Variants in RARB observed in about 807,000 individuals in gnomAD.
RARB encodes the protein HBV-activated protein.
A neutral mutation model predicts 51.9 loss-of-function variants in RARB; 17 were observed. The observed-to-expected ratio is 0.33, with a 90% confidence interval of 0.22 to 0.49. The LOEUF (loss-of-function observed/expected upper bound fraction) is 0.49, where lower values mean the gene tolerates loss of function less well. RARB is among the 20% of genes least tolerant of loss of function. The pLI is 0.99. For synonymous variants in RARB, 215 were observed against 195.4 expected, an observed-to-expected ratio of 1.10 and a Z score of -0.84; for missense variants, 369 against 550.8, an observed-to-expected ratio of 0.67 and a Z score of 3.30.
chr3:25,220,076 CAAG>C (rs755256741), intron 5 of RARB, among the ~76,000 whole-genome samples: 21 of 152,242 alleles, frequency 1.4e-4, no homozygotes, highest in African/African-American at 2.4e-4. Flanking sequence ...CATAAAATAA[CAAG>C]AAATCCACTA....
intron 2 of RARB, among the ~76,000 whole-genome samples, chr3:24,966,903 A>G (rs898919467): frequency 6.6e-6 from 1 of 152,164 alleles, no homozygotes; most frequent in Non-Finnish European, 1.5e-5. Context: ...TGAACCACAC[A>G]TCCTGCCCTG....
At chr3:25,071,682 G>T (rs1233906013) in intron 3 of RARB, among the ~76,000 whole-genome samples, 1 of 152,202 alleles carries the variant, frequency 6.6e-6, no homozygotes, top group Non-Finnish European at 1.5e-5. Flanking sequence ...TCAATGGCAT[G>T]ATTAAAAAGG....
At chr3:24,968,975 T>C (rs573542536) in intron 2 of RARB, among the ~76,000 whole-genome samples, 8 of 152,202 alleles carry the variant, frequency 5.3e-5, no homozygotes, top group Non-Finnish European at 7.4e-5. Context: ...TTTAGGTACA[T>C]TTGGTCATCT....
intron 2 of RARB, among the ~76,000 whole-genome samples, chr3:24,945,719 G>A (rs1363162825): frequency 6.6e-6 from 1 of 152,218 alleles, no homozygotes; most frequent in Non-Finnish European, 1.5e-5. Context: ...CTGGCCTCCA[G>A]CCAACAGAGA....
chr3:25,150,435 A>C (rs891245321), intron 4 of RARB, among the ~76,000 whole-genome samples: 5 of 152,162 alleles, frequency 3.3e-5, no homozygotes, highest in African/African-American at 1.2e-4. Context: ...GAAAAAGGCC[A>C]GTTGTTTGGT....
At chr3:24,993,612 T>A (rs1054177803) in intron 2 of RARB, among the ~76,000 whole-genome samples, 5 of 152,136 alleles carry the variant, frequency 3.3e-5, no homozygotes, top group Non-Finnish European at 7.4e-5. Flanking sequence ...TGGAATTTGT[T>A]CTATTTAGCT....
At chr3:25,421,125 A>G (rs1422328582) in intron 5 of RARB, among the ~76,000 whole-genome samples, 3 of 152,034 alleles carry the variant, frequency 2.0e-5, no homozygotes, top group Admixed American at 2.0e-4. Context: ...GAAATGAAAG[A>G]AACCATCTTC....
At chr3:25,361,585 C>G (rs114484355) in intron 5 of RARB, among the ~76,000 whole-genome samples, 1 of 152,258 alleles carries the variant, frequency 6.6e-6, no homozygotes, top group African/African-American at 2.4e-5. Context: ...AATCTTCAGC[C>G]TTTTTTTGCC....
intron 5 of RARB, among the ~76,000 whole-genome samples, chr3:25,321,891 G>T (rs1246414314): frequency 6.6e-6 from 1 of 150,648 alleles, no homozygotes. Flanking sequence ...AAGACAAAAA[G>T]ATTATTTGGG....
intron 3 of RARB, among the ~76,000 whole-genome samples, chr3:25,544,675 G>C (rs7645308): frequency 0.14 from 21,422 of 151,574 alleles, 1,898 homozygotes; most frequent in African/African-American, 0.25. Flanking sequence ...TCATTCCCCC[G>C]CCCCCTCCTC....
At chr3:25,366,651 T>G (rs376232743) in intron 5 of RARB, among the ~76,000 whole-genome samples, 11 of 152,208 alleles carry the variant, frequency 7.2e-5, no homozygotes, top group African/African-American at 2.7e-4. Flanking sequence ...AACCACTGTT[T>G]TCAAAAAGCC....
At chr3:25,086,615 T>A (rs528801444) in intron 3 of RARB, among the ~76,000 whole-genome samples, 1 of 152,230 alleles carries the variant, frequency 6.6e-6, no homozygotes, top group African/African-American at 2.4e-5. Flanking sequence ...TTTATGTGTT[T>A]TAGGGAGTCA....
At chr3:24,926,611 G>A (rs1695327427) in intron 2 of RARB, among the ~76,000 whole-genome samples, 1 of 151,974 alleles carries the variant, frequency 6.6e-6, no homozygotes, top group African/African-American at 2.4e-5. Flanking sequence ...GAGGCTAATC[G>A]AGAAGCTGGG....
At position 25,116,676 on chromosome 3, in the gene RARB, G is replaced by A. The variant is rs73047777; in HGVS notation, c.-327-15485G>A. On this transcript the variant is annotated intron_variant, in intron 3 of 11. Transcript: ENST00000383772. ...GGATGTGAAGCTACCATTGACTTTG[G>A]TAAGTAAATGGTATCTTTGAATTAC... is the stretch of plus-strand genomic sequence containing the variant. Among the ~76,000 whole-genome samples, 860 of 152,078 alleles carry A rather than the reference G, an allele frequency of 5.7e-3. 4 individuals are homozygous for A. Among genetic ancestry groups the A allele is most frequent in the Middle Eastern group, 0.02 (6 of 294 alleles).
At chr3:25,518,484 A>G (rs976658271) in intron 3 of RARB, among the ~76,000 whole-genome samples, 1 of 146,128 alleles carries the variant, frequency 6.8e-6, no homozygotes, top group Non-Finnish European at 1.5e-5. Context: ...TCCTCAGGAC[A>G]TCCCTCCAGG....
intron 2 of RARB, among the ~76,000 whole-genome samples, chr3:25,488,348 A>G (rs190312307): frequency 1.3e-5 from 2 of 152,324 alleles, no homozygotes; most frequent in African/African-American, 2.4e-5. Context: ...ATCTAAGGAA[A>G]ATAATTCCCA....
At chr3:25,473,921 G>GAAAA (rs533183147) in intron 2 of RARB, among the ~76,000 whole-genome samples, 3 of 108,318 alleles carry the variant, frequency 2.8e-5, no homozygotes, top group Non-Finnish European at 5.2e-5. Context: ...TGTCTGGCAG[G>GAAAA]AAAAAAAAAA....
chr3:25,050,709 A>G (rs1168237344), intron 2 of RARB, among the ~76,000 whole-genome samples: 1 of 152,170 alleles, frequency 6.6e-6, no homozygotes, highest in Non-Finnish European at 1.5e-5. Context: ...ATAGAAAAAG[A>G]TTTAACTCTT....
intron 3 of RARB, among the ~76,000 whole-genome samples, chr3:25,099,677 G>A (rs1193110197): frequency 6.7e-6 from 1 of 150,230 alleles, no homozygotes; most frequent in Admixed American, 6.6e-5. Flanking sequence ...TTTGTGTAAA[G>A]GTTTTCTTGA....
Sources: gnomAD v4.1 joint callset for allele counts (sites outside exome capture counted in the v4.1 genomes callset) on GRCh38, gnomAD v4.1.1 for gene constraint, MANE v1.5 for transcripts, NCBI Gene and HGNC (gene_info 2026-07-23, HGNC 2026-07-21) for gene names.